PTPRK: variants seen among roughly 807,000 people sequenced by gnomAD.
PTPRK encodes the protein protein tyrosine phosphatase receptor type K, also known as receptor-type tyrosine-protein phosphatase kappa.
PTPRK carries 75 observed loss-of-function variants against 178.0 expected under a neutral mutation model. The observed-to-expected ratio is 0.42, with a 90% CI of 0.35 to 0.51. The LOEUF is 0.51. PTPRK is among the 20% of genes least tolerant of loss of function. The pLI is 0.02. For missense variants in PTPRK, 1,441 were observed against 1,797.8 expected (o/e 0.80, Z 3.59); for synonymous variants, 637 against 620.6 (o/e 1.03, Z -0.39).
intron 7 of PTPRK, among the ~76,000 whole-genome samples, chr6:128,165,413 C>T (rs953339478): frequency 6.6e-6 from 1 of 151,148 alleles, no homozygotes; most frequent in East Asian, 1.9e-4. Context: ...TTTCTTTTTG[C>T]ATGAGAGAGG....
chr6:128,407,282 T>A (rs986855979), intron 1 of PTPRK, among the ~76,000 whole-genome samples: 1 of 151,840 alleles, frequency 6.6e-6, no homozygotes, highest in African/African-American at 2.4e-5. Context: ...AAGTTCGTGG[T>A]TCCTAAGAAC....
intron 2 of PTPRK, among the ~76,000 whole-genome samples, chr6:128,345,546 A>G (rs1185966945): frequency 1.3e-5 from 2 of 152,222 alleles, no homozygotes; most frequent in Non-Finnish European, 1.5e-5. Flanking sequence ...AGTATCGGCT[A>G]ATTGAATCAC....
chr6:128,375,088 T>TATTATC (rs1836860989), intron 2 of PTPRK, among the ~76,000 whole-genome samples: 1 of 147,500 alleles, frequency 6.8e-6, no homozygotes, highest in Non-Finnish European at 1.5e-5. Flanking sequence ...TTATTATTAT[T>TATTATC]ATTATTATTA....
At chr6:127,985,969 A>C in intron 21 of PTPRK, 94 bp from the exon 22 acceptor site, 1 of 1,236,662 alleles carries the variant, frequency 8.1e-7, no homozygotes, top group Non-Finnish European at 1.1e-6. Context: ...CCAACTGACA[A>C]TGATAACAAT....
At chr6:128,203,010 A>G (rs1385029312) in intron 6 of PTPRK, among the ~76,000 whole-genome samples, 1 of 152,178 alleles carries the variant, frequency 6.6e-6, no homozygotes, top group African/African-American at 2.4e-5. Flanking sequence ...ATCCTCAACA[A>G]AATACTGTTA....
rs78174444 is a variant in PTPRK, at chr6:128,137,820, A to C, written c.1162+46612T>G. Among the ~76,000 whole-genome samples, 828 of 152,262 alleles carry C rather than the reference A, an allele frequency of 5.4e-3. 5 individuals carry two copies. The highest frequency in any genetic ancestry group is 0.018 in the African/African-American group (740 of 41,554). The stretch of plus-strand genomic sequence containing the variant: ...AGTAATGCAAAATTTAGTAGGTCAT[A>C]TGAAACATTCCAGGCAGTAAAGGAA... On this transcript the variant is annotated intron_variant, in intron 7 of 29. Transcript: ENST00000368226.
intron 2 of PTPRK, among the ~76,000 whole-genome samples, chr6:128,389,814 T>C (rs776539634): frequency 6.6e-6 from 1 of 152,088 alleles, no homozygotes; most frequent in Non-Finnish European, 1.5e-5. Context: ...ATGCATTATG[T>C]ACCTGAAATA....
chr6:128,131,095 G>A (rs1471427560), intron 7 of PTPRK, among the ~76,000 whole-genome samples: 1 of 152,190 alleles, frequency 6.6e-6, no homozygotes, highest in African/African-American at 2.4e-5. Context: ...ATTGAAAGGG[G>A]TGTGGTACAT....
At chr6:128,265,145 G>A (rs554855829) in intron 3 of PTPRK, among the ~76,000 whole-genome samples, 4 of 152,180 alleles carry the variant, frequency 2.6e-5, no homozygotes, top group East Asian at 1.9e-4. Flanking sequence ...TGAGAGAAAC[G>A]AAGTGACAAG....
rs182417251 is a variant in PTPRK, at chr6:128,271,505, C to T, written c.496-28903G>A. 5.6e-3 allele frequency among the ~76,000 whole-genome samples: 852 copies of T among 152,230 alleles called. 11 individuals carry two copies. The highest frequency in any genetic ancestry group is 0.01 in the Middle Eastern group (3 of 294). ...GAAAATGGCTGATAAAACCAATGTA[C>T]TAATCTCCCCTGCTATTCTTTGATC... is the stretch of plus-strand genomic sequence containing the variant. On this transcript the variant is annotated intron_variant, in intron 3 of 29. Transcript: ENST00000368226.
At position 128,354,231 on chromosome 6, in the gene PTPRK, G is replaced by GTTTTT. The variant is rs756148554; in HGVS notation, c.224-31926_224-31922dup. On this transcript the variant is annotated intron_variant, in intron 2 of 29. Coordinates refer to ENST00000368226, the MANE Select transcript of PTPRK (RefSeq NM_002844.4). ...ACATGTATTTTGGTTTTTTGTTTAT[G>GTTTTT]TTTTTTTTTTTTTTTTTTTTTTTTG... is the stretch of plus-strand genomic sequence containing the variant. Among the ~76,000 whole-genome samples the GTTTTT allele has an allele frequency of 2.1e-3, 105 of 49,352 alleles. 33 individuals carry two copies. The highest frequency in any genetic ancestry group is 7.9e-3 in the African/African-American group (84 of 10,630). 32.4% of individuals were successfully genotyped at this position (49,352 alleles called of 152,430 possible).
chr6:128,310,397 A>T (rs116167596), intron 3 of PTPRK, among the ~76,000 whole-genome samples: 1,637 of 152,342 alleles, frequency 0.011, 31 homozygotes, highest in African/African-American at 0.037. Context: ...TAAGAAGCAC[A>T]GGATAACGTT....
intron 3 of PTPRK, among the ~76,000 whole-genome samples, chr6:128,280,299 T>C (rs1821465852): frequency 6.6e-6 from 1 of 152,170 alleles, no homozygotes; most frequent in South Asian, 2.1e-4. Context: ...CCTGGGAGGC[T>C]GGCACTTAAC....
In PTPRK at chr6:128,166,937, C is replaced by A. The variant is rs905340804; in HGVS notation, c.1162+17495G>T. ...TTCTATAAAATTAACATTGATATTA[C>A]GTTTTCTGTTTCCTAGTGTTCCTGG... On this transcript the variant is annotated intron_variant, in intron 7 of 29. Coordinates refer to ENST00000368226, the MANE Select transcript of PTPRK (RefSeq NM_002844.4). Among the ~76,000 whole-genome samples the A allele has an allele frequency of 2.6e-5, 4 of 151,796 alleles. No homozygotes were observed. In the South Asian group the frequency reaches 8.3e-4, roughly 31 times the overall value.
At chr6:128,236,571 A>G (rs894879204) in intron 5 of PTPRK, among the ~76,000 whole-genome samples, 3 of 151,398 alleles carry the variant, frequency 2.0e-5, no homozygotes, top group Admixed American at 2.0e-4. Flanking sequence ...CTGGTCTCCA[A>G]CTCCTGACCT....
Position 128,109,288 on chromosome 6 carries a change from A to G in PTPRK, c.1163-19296T>C, listed in dbSNP as rs377645600. On this transcript the variant is annotated intron_variant, in intron 7 of 29. Coordinates refer to ENST00000368226, the MANE Select transcript of PTPRK (RefSeq NM_002844.4). ...ATGATTTTCAATGTAACCCACATAC[A>G]TTATTAATAATTGTTACATTATTAA... 5.3e-5 allele frequency among the ~76,000 whole-genome samples: 8 copies of G among 152,320 alleles called. No individual in the cohort carries two copies. The South Asian group carries it at 1.7e-3, about 32-fold the overall frequency.
intron 1 of PTPRK, among the ~76,000 whole-genome samples, chr6:128,458,295 T>C (rs1056320950): frequency 6.6e-6 from 1 of 152,170 alleles, no homozygotes; most frequent in Non-Finnish European, 1.5e-5. Context: ...GAGTCAATCA[T>C]CTGACAGGGA....
chr6:128,175,496 T>C (rs1800926336), intron 7 of PTPRK, among the ~76,000 whole-genome samples: 1 of 151,728 alleles, frequency 6.6e-6, no homozygotes, highest in South Asian at 2.1e-4. Context: ...GATATATATA[T>C]ATATCCAACA....
intron 11 of PTPRK, among the ~76,000 whole-genome samples, chr6:128,070,447 T>C (rs529040634): frequency 9.3e-4 from 141 of 152,188 alleles, no homozygotes; most frequent in Non-Finnish European, 1.7e-3. Context: ...CACCTGGATC[T>C]TGGACTTCCC....
Sources: gnomAD v4.1 joint callset for allele counts (sites outside exome capture counted in the v4.1 genomes callset) on GRCh38, gnomAD v4.1.1 for gene constraint, MANE v1.5 for transcripts, NCBI Gene and HGNC (gene_info 2026-07-23, HGNC 2026-07-21) for gene names.